Variants in KIF5C observed in about 807,000 individuals in gnomAD.
KIF5C encodes kinesin heavy chain isoform 5C.
KIF5C carries 18 observed loss-of-function variants against 125.2 expected under a neutral mutation model. The ratio of observed to expected loss-of-function variants is 0.14; its 90% confidence interval spans 0.10 to 0.21. The LOEUF (loss-of-function observed/expected upper bound fraction) is 0.21. Among genes scored for constraint, KIF5C ranks in the 10% least tolerant of loss-of-function variants. The pLI is 1.00. For synonymous variants in KIF5C, 405 were observed against 434.0 expected (o/e 0.93, Z 0.83); for missense variants, 780 against 1,183.8 (o/e 0.66, Z 5.01).
intron 1 of KIF5C, among the ~76,000 whole-genome samples, chr2:148,893,315 G>T (rs1681758105): frequency 6.6e-6 from 1 of 152,176 alleles, no homozygotes; most frequent in Non-Finnish European, 1.5e-5. Context: ...TCAAAAACAT[G>T]TAAGGCTTTT....
chr2:149,025,120 G>A lies in KIF5C; in HGVS notation c.*2050G>A, dbSNP rs531036110. On this transcript the variant is annotated 3_prime_UTR_variant, in exon 26 of 26. Transcript: ENST00000435030. ...AGGGTGATTTTTCCCTGGGTACCCC[G>A]TTTCTACTTCTAAAGAATTGCTTGG... 2.0e-5 allele frequency: 3 copies of A among 152,590 alleles called. No homozygotes were observed. The highest frequency in any genetic ancestry group is 2.1e-4 in the South Asian group (1 of 4,808). 9.5% of individuals were successfully genotyped at this position (152,590 alleles called of 1,614,324 possible).
chr2:148,988,268 G>T (rs1193350928), intron 15 of KIF5C, among the ~76,000 whole-genome samples: 1 of 151,924 alleles, frequency 6.6e-6, no homozygotes, highest in Non-Finnish European at 1.5e-5. Context: ...AAACCCCTTT[G>T]TTAGGGGTAT....
At chr2:148,885,808 A>G (rs893418525) in intron 1 of KIF5C, 3 of 152,202 alleles carry the variant, frequency 2.0e-5, no homozygotes, top group East Asian at 1.9e-4. Flanking sequence ...TATGTTCTTA[A>G]GAGCTGCAGA....
chr2:148,973,593 A>G, intron 12 of KIF5C, 82 bp downstream of exon 12: 1 of 1,467,864 alleles, frequency 6.8e-7, no homozygotes, highest in African/African-American at 1.4e-5. Context: ...GGGCTGATGT[A>G]GGGCTACAGC....
At chr2:148,896,087 G>A (rs966267388) in intron 1 of KIF5C, among the ~76,000 whole-genome samples, 3 of 152,158 alleles carry the variant, frequency 2.0e-5, no homozygotes, top group Non-Finnish European at 2.9e-5. Flanking sequence ...TGTCTATAAC[G>A]AGTAGCATAT....
intron 1 of KIF5C, chr2:148,878,861 T>C (rs1681268770): frequency 6.6e-6 from 1 of 152,218 alleles, no homozygotes; most frequent in Non-Finnish European, 1.5e-5. Flanking sequence ...GAATGAATTT[T>C]GGTGGAGTTA....
intron 4 of KIF5C, among the ~76,000 whole-genome samples, chr2:148,939,393 T>G (rs1206443834): frequency 6.6e-6 from 1 of 152,230 alleles, no homozygotes; most frequent in Non-Finnish European, 1.5e-5. Context: ...ATACAGAAGC[T>G]TGTTGCTTTG....
At chr2:148,936,665 G>A (rs1323757165) in intron 3 of KIF5C, among the ~76,000 whole-genome samples, 2 of 152,182 alleles carry the variant, frequency 1.3e-5, no homozygotes, top group Non-Finnish European at 2.9e-5. Context: ...AATATAAGAC[G>A]ATCTTAAACA....
chr2:149,024,547 TGTG>T lies in KIF5C; in HGVS notation c.*1478_*1480del. The T allele has an allele frequency of 6.6e-6, 1 of 152,168 alleles. No homozygotes were observed. Among genetic ancestry groups the T allele is most frequent in the Non-Finnish European group, 1.5e-5 (1 of 68,080 alleles). The allele number at this position is 152,168 out of a possible 1,614,324, so 9.4% of individuals were successfully genotyped here. A position where few individuals can be genotyped will look rare whatever the true frequency, so the allele number is the denominator to read the frequency against. On this transcript the variant is annotated 3_prime_UTR_variant, in exon 26 of 26. Coordinates refer to ENST00000435030, the MANE Select transcript of KIF5C (RefSeq NM_004522.3). Reference sequence around the variant, plus strand: ...GTGTGTGTGTGTGTGTGTGTGTGTGTGTGTGTGTGTGTGTATGTGTGTAAAGTG... The same window carrying T: ...GTGTGTGTGTGTGTGTGTGTGTGTGTTGTGTGTGTGTATGTGTGTAAAGTG...
chr2:148,973,110 T>C (rs997291664), intron 11 of KIF5C, among the ~76,000 whole-genome samples: 2 of 152,190 alleles, frequency 1.3e-5, no homozygotes, highest in Non-Finnish European at 2.9e-5. Context: ...GGATGCATCT[T>C]GAGAGGGGAG....
chr2:148,975,663 C>G (rs531080761), intron 12 of KIF5C, among the ~76,000 whole-genome samples: 1 of 152,292 alleles, frequency 6.6e-6, no homozygotes, highest in South Asian at 2.1e-4. Flanking sequence ...TGCTGCCCCG[C>G]CAGGGCTCCA....
At chr2:148,913,850 C>T (rs1163096728) in intron 1 of KIF5C, among the ~76,000 whole-genome samples, 2 of 152,176 alleles carry the variant, frequency 1.3e-5, no homozygotes, top group South Asian at 2.1e-4. Flanking sequence ...TTTCACCTCC[C>T]ATCCAGTGAA....
chr2:148,994,743 C>G (rs1300419776), intron 17 of KIF5C, among the ~76,000 whole-genome samples: 1 of 151,704 alleles, frequency 6.6e-6, no homozygotes, highest in African/African-American at 2.4e-5. Flanking sequence ...CGCTCTGTTG[C>G]CCAGGCTGAA....
intron 1 of KIF5C, among the ~76,000 whole-genome samples, chr2:148,901,886 G>C (rs1311485701): frequency 2.0e-5 from 3 of 152,212 alleles, no homozygotes; most frequent in African/African-American, 7.2e-5. Flanking sequence ...TATGGCGTCA[G>C]TTACAGCCTC....
Position 148,929,360 on chromosome 2 carries a change from A to T in KIF5C, c.291+6A>T, listed in dbSNP as rs973559568. 5.3e-6 allele frequency: 8 copies of T among 1,520,016 alleles called. No homozygotes were observed. The highest frequency in any genetic ancestry group is 6.2e-6 in the Non-Finnish European group (7 of 1,131,386). 94.2% of individuals were successfully genotyped at this position (1,520,016 alleles called of 1,614,324 possible). A position where few individuals can be genotyped will look rare whatever the true frequency, so the allele number is the denominator to read the frequency against. On this transcript the variant is annotated splice_donor_region_variant and intron_variant, in intron 3 of 25. Transcript: ENST00000435030. ...GAAAAACCCACACCATGGAGGTAAGATTACAATGTGCTCTAATGCGAATCT... is the reference window on the plus strand; with the variant it reads ...GAAAAACCCACACCATGGAGGTAAGTTTACAATGTGCTCTAATGCGAATCT...
intron 20 of KIF5C, 56 bp from the exon 21 acceptor site, chr2:149,000,666 T>G: frequency 6.2e-7 from 1 of 1,603,102 alleles, no homozygotes; most frequent in Non-Finnish European, 8.5e-7. Flanking sequence ...GCAAATAGTA[T>G]CTGCTGAAAT....
rs1356054600 is a variant in KIF5C at position 148,945,079 on chromosome 2, C to G, written c.590-1820C>G. On this transcript the variant is annotated intron_variant, in intron 7 of 25. Coordinates refer to ENST00000435030, the MANE Select transcript of KIF5C (RefSeq NM_004522.3). ...GATATATGATTTATAAAATTTTCTTCTATTCCATGGATTGCTTTTTTACAC... is the reference window on the plus strand; with the variant it reads ...GATATATGATTTATAAAATTTTCTTGTATTCCATGGATTGCTTTTTTACAC... Among the ~76,000 whole-genome samples the G allele has an allele frequency of 2.0e-5, 3 of 152,218 alleles. No individual in the cohort carries two copies. In the East Asian group the frequency reaches 5.8e-4, roughly 29 times the overall value.
intron 2 of KIF5C, among the ~76,000 whole-genome samples, chr2:148,926,831 C>T (rs1682019327): frequency 6.6e-6 from 1 of 152,198 alleles, no homozygotes; most frequent in South Asian, 2.1e-4. Context: ...ACGTCGGCTC[C>T]CTTCGACCTT....
At chr2:148,894,101 C>T (rs78523357) in intron 1 of KIF5C, among the ~76,000 whole-genome samples, 84 of 152,300 alleles carry the variant, frequency 5.5e-4, no homozygotes, top group Middle Eastern at 3.4e-3. Flanking sequence ...CATGAAACAC[C>T]TTTAAGGGTG....
Sources: gnomAD v4.1 joint callset for allele counts (sites outside exome capture counted in the v4.1 genomes callset) on GRCh38, gnomAD v4.1.1 for gene constraint, MANE v1.5 for transcripts, NCBI Gene and HGNC (gene_info 2026-07-23, HGNC 2026-07-21) for gene names.